Variants in NGLY1 observed in about 807,000 individuals in gnomAD.
NGLY1 encodes the protein N-glycanase 1.
A neutral mutation model predicts 84.6 loss-of-function variants in NGLY1; 68 were observed. That is an observed-to-expected ratio of 0.80 (90% CI 0.66 to 0.98). The LOEUF is 0.98. Among genes scored for constraint, NGLY1 ranks in the 50% least tolerant of loss-of-function variants. NGLY1 has a pLI of 0.00. For synonymous variants in NGLY1, 280 were observed against 275.2 expected, an observed-to-expected ratio of 1.02 and a Z score of -0.17; for missense variants, 779 against 770.2, an observed-to-expected ratio of 1.01 and a Z score of -0.14.
rs188358232 is a variant in NGLY1 at position 25,775,889 on chromosome 3, T to C, written c.246+2685A>G. On this transcript the variant is annotated intron_variant, in intron 2 of 11. Transcript: ENST00000280700. The stretch of plus-strand genomic sequence containing the variant: ...ACAAAGAGATGATAAATGTTTGAGA[T>C]CATGGATGTTCCAATTACTCAGATA... 2.5e-3 allele frequency among the ~76,000 whole-genome samples: 385 copies of C among 152,324 alleles called. 2 individuals carry two copies. The highest frequency in any genetic ancestry group is 8.7e-3 in the African/African-American group (363 of 41,576).
chr3:25,719,160 T>C lies in NGLY1; in HGVS notation c.*300A>G. The C allele has an allele frequency of 4.9e-6, 1 of 202,980 alleles. No homozygotes were observed. Among genetic ancestry groups the C allele is most frequent in the Non-Finnish European group, 9.9e-6 (1 of 101,236 alleles). 12.6% of individuals were successfully genotyped at this position (202,980 alleles called of 1,614,324 possible). A position where few individuals can be genotyped will look rare whatever the true frequency, so the allele number is the denominator to read the frequency against. On this transcript the variant is annotated 3_prime_UTR_variant, in exon 12 of 12. Coordinates refer to ENST00000280700, the MANE Select transcript of NGLY1 (RefSeq NM_018297.4). The stretch of plus-strand genomic sequence containing the variant: ...ATTTTATCATAATCATGAATAGCAT[T>C]TAATCATGAATATCATTATTTAACT...
intron 2 of NGLY1, among the ~76,000 whole-genome samples, chr3:25,768,276 A>T (rs990055016): frequency 6.6e-6 from 1 of 151,848 alleles, no homozygotes; most frequent in Non-Finnish European, 1.5e-5. Context: ...TACAAAAAAA[A>T]TTAGCTGGGC....
At chr3:25,728,238 GT>G (rs1705357614) in intron 10 of NGLY1, among the ~76,000 whole-genome samples, 1 of 152,096 alleles carries the variant, frequency 6.6e-6, no homozygotes, top group African/African-American at 2.4e-5. Flanking sequence ...ATCTCTGTAT[GT>G]TTTTGGTAAT....
At chr3:25,760,268 ATATATG>A (rs1244424774) in intron 3 of NGLY1, among the ~76,000 whole-genome samples, 1 of 152,144 alleles carries the variant, frequency 6.6e-6, no homozygotes, top group African/African-American at 2.4e-5. Flanking sequence ...GAACATATAT[ATATATG>A]TATGTGTGTG....
rs1487142528 is a variant in NGLY1 at position 25,741,157 on chromosome 3, C to A, written c.659-1358G>T. On this transcript the variant is annotated intron_variant, in intron 4 of 11. Transcript: ENST00000280700. ...AAAAAAAAAAAAAAAAAAAAATTGA[C>A]AAGCTAACTACAAAATCCCATGTGA... Among the ~76,000 whole-genome samples the A allele has an allele frequency of 8.6e-5, 12 of 140,316 alleles. No homozygotes were observed. In the East Asian group the frequency reaches 1.7e-3, roughly 19 times the overall value. The allele number at this position is 140,316 out of a possible 152,430, so 92.1% of individuals were successfully genotyped here. A position where few individuals can be genotyped will look rare whatever the true frequency, so the allele number is the denominator to read the frequency against.
At chr3:25,740,467 G>A (rs1387497489) in intron 4 of NGLY1, among the ~76,000 whole-genome samples, 1 of 152,136 alleles carries the variant, frequency 6.6e-6, no homozygotes, top group African/African-American at 2.4e-5. Flanking sequence ...AGAAGGGAAG[G>A]AGAGGGAAAA....
intron 3 of NGLY1, among the ~76,000 whole-genome samples, chr3:25,757,532 T>C (rs1218846983): frequency 6.6e-6 from 1 of 152,140 alleles, no homozygotes; most frequent in African/African-American, 2.4e-5. Flanking sequence ...TAATAAAAAT[T>C]TGAGCTTAAA....
chr3:25,753,197 C>T (rs9875681), intron 3 of NGLY1, among the ~76,000 whole-genome samples: 3,069 of 152,098 alleles, frequency 0.02, 107 homozygotes, highest in African/African-American at 0.07. Context: ...AAACATTACA[C>T]GCAAAGAAAA....
At chr3:25,735,958 A>G in intron 7 of NGLY1, 46 bp downstream of exon 7, 2 of 1,478,698 alleles carry the variant, frequency 1.4e-6, no homozygotes, top group Non-Finnish European at 1.8e-6. Flanking sequence ...AAAAGAAAAA[A>G]ATATATTTTA....
At chr3:25,767,352 C>A (rs774247498) in intron 2 of NGLY1, among the ~76,000 whole-genome samples, 2 of 151,802 alleles carry the variant, frequency 1.3e-5, no homozygotes, top group Non-Finnish European at 2.9e-5. Flanking sequence ...TTTCTCAAGG[C>A]ATTTTTGTTG....
At chr3:25,762,155 A>C (rs1707350386) in intron 3 of NGLY1, among the ~76,000 whole-genome samples, 1 of 145,010 alleles carries the variant, frequency 6.9e-6, no homozygotes, top group Admixed American at 6.9e-5. Flanking sequence ...AGTTTTAACC[A>C]AAAAAAAAAA....
chr3:25,767,491 G>A (rs71313310), intron 2 of NGLY1, among the ~76,000 whole-genome samples: 7 of 152,112 alleles, frequency 4.6e-5, no homozygotes, highest in African/African-American at 7.2e-5. Flanking sequence ...ACAGGTTGAA[G>A]AAAGAGGTGC....
chr3:25,766,935 C>T (rs1707607526), intron 2 of NGLY1, among the ~76,000 whole-genome samples: 1 of 152,130 alleles, frequency 6.6e-6, no homozygotes, highest in Non-Finnish European at 1.5e-5. Context: ...TAACCAACAG[C>T]ACTGTTATTT....
At chr3:25,760,800 CGGTGAGCCGA>C (rs904242344) in intron 3 of NGLY1, among the ~76,000 whole-genome samples, 13 of 131,948 alleles carry the variant, frequency 9.9e-5, no homozygotes, top group African/African-American at 3.7e-4. Flanking sequence ...GCAGAAGTTG[CGGTGAGCCGA>C]GATCACGCCA....
At chr3:25,776,468 G>A (rs181452019) in intron 2 of NGLY1, among the ~76,000 whole-genome samples, 203 of 152,034 alleles carry the variant, frequency 1.3e-3, no homozygotes, top group South Asian at 4.6e-3. Context: ...CTTTATGTTC[G>A]GATACCTTTG....
At chr3:25,764,938 CA>C (rs2125291309) in intron 2 of NGLY1, among the ~76,000 whole-genome samples, 1 of 152,100 alleles carries the variant, frequency 6.6e-6, no homozygotes, top group South Asian at 2.1e-4. Context: ...CCGAACAAAA[CA>C]AAAGAAATAA....
In NGLY1 at chr3:25,749,671, G is replaced by A. The variant is rs945180428; in HGVS notation, c.658+1427C>T. ...TCTTGATGCCCAACATTAGTTATGG[G>A]AGCAACAAAAAAACAAAGCACATGC... On this transcript the variant is annotated intron_variant, in intron 4 of 11. Coordinates refer to ENST00000280700, the MANE Select transcript of NGLY1 (RefSeq NM_018297.4). 23 of 1,538,956 alleles carry A rather than the reference G, an allele frequency of 1.5e-5. No homozygotes were observed. The East Asian group carries it at 3.8e-4, about 26-fold the overall frequency.
At position 25,778,654 on chromosome 3, in the gene NGLY1, T is replaced by A; in HGVS notation, c.166A>T (p.Ile56Phe). 6.2e-7 allele frequency: 1 copy of A among 1,611,824 alleles called. No individual in the cohort carries two copies. Among genetic ancestry groups the A allele is most frequent in the East Asian group, 2.2e-5 (1 of 44,790 alleles). ...PNDEKYRSIR[I>F]GNTAFSTRLL... Reference sequence around the variant, plus strand: ...CTAGTAGAAAAGGCTGTGTTTCCAATCCGGATGGATCTATATTTTTCATCA... The same window carrying A: ...CTAGTAGAAAAGGCTGTGTTTCCAAACCGGATGGATCTATATTTTTCATCA... The change falls in exon 2 of 12, where the codon ATT (isoleucine) becomes TTT (phenylalanine). Residue 56 changes from isoleucine to phenylalanine, a missense_variant. Coordinates refer to ENST00000280700, the MANE Select transcript of NGLY1 (RefSeq NM_018297.4).
At chr3:25,737,252 G>A (rs1226737282) in intron 6 of NGLY1, 82 bp downstream of exon 6, 9 of 1,221,916 alleles carry the variant, frequency 7.4e-6, no homozygotes, top group Non-Finnish European at 1.0e-5. Flanking sequence ...AAAAGTAACA[G>A]AGAATCATGG....
Sources: gnomAD v4.1 joint callset for allele counts (sites outside exome capture counted in the v4.1 genomes callset) on GRCh38, gnomAD v4.1.1 for gene constraint, MANE v1.5 for transcripts, NCBI Gene and HGNC (gene_info 2026-07-23, HGNC 2026-07-21) for gene names.